DST: variants seen among roughly 807,000 people sequenced by gnomAD.
DST encodes the protein dystonin.
DST carries 253 observed loss-of-function variants against 875.2 expected under a neutral mutation model. That is an observed-to-expected ratio of 0.29 (90% confidence interval 0.26 to 0.32). The LOEUF (loss-of-function observed/expected upper bound fraction) is 0.32. Among genes scored for constraint, DST ranks in the 10% least tolerant of loss-of-function variants. DST has a pLI of 1.00. For synonymous variants in DST, 3,124 were observed against 3,197.1 expected (o/e 0.98, Z 0.77); for missense variants, 8,287 against 9,111.6 (o/e 0.91, Z 3.68).
At chr6:56,951,295 G>A (rs1822170645) in intron 2 of DST, among the ~76,000 whole-genome samples, 1 of 152,202 alleles carries the variant, frequency 6.6e-6, no homozygotes, top group Non-Finnish European at 1.5e-5. Flanking sequence ...AATGCTGAAA[G>A]TGAGTTAATC....
intron 4 of DST, among the ~76,000 whole-genome samples, chr6:56,771,519 AATC>A (rs2099664231): frequency 6.6e-6 from 1 of 152,202 alleles, no homozygotes; most frequent in Non-Finnish European, 1.5e-5. Flanking sequence ...TAAATGTATA[AATC>A]ATCATCAAAT....
chr6:56,501,045 G>T (rs781069485), intron 80 of DST, 35 bp downstream of exon 80: 10 of 1,599,062 alleles, frequency 6.3e-6, no homozygotes, highest in Non-Finnish European at 6.0e-6. Flanking sequence ...GAAATGGACA[G>T]AGAAGAAACA....
intron 36 of DST, among the ~76,000 whole-genome samples, chr6:56,623,284 CTTAAG>C (rs1235883659): frequency 3.9e-5 from 6 of 152,044 alleles, no homozygotes; most frequent in East Asian, 3.9e-4. Flanking sequence ...GAGAAAAGAA[CTTAAG>C]TTATTTTATT....
intron 5 of DST, among the ~76,000 whole-genome samples, chr6:56,710,542 T>C (rs1338664899): frequency 1.3e-5 from 2 of 152,188 alleles, no homozygotes; most frequent in African/African-American, 4.8e-5. Context: ...TCATAAAAAA[T>C]TAGCTGTCAG....
chr6:56,901,922 T>C (rs1176903262), intron 2 of DST, among the ~76,000 whole-genome samples: 1 of 151,970 alleles, frequency 6.6e-6, no homozygotes, highest in African/African-American at 2.4e-5. Flanking sequence ...TAACATAGAG[T>C]TCATAAACAC....
At chr6:56,866,901 C>T (rs773784494) in intron 3 of DST, among the ~76,000 whole-genome samples, 12 of 152,186 alleles carry the variant, frequency 7.9e-5, no homozygotes, top group Non-Finnish European at 1.2e-4. Flanking sequence ...ATGTACTCAA[C>T]GAGTTCCAAT....
At chr6:56,926,850 T>C (rs901765948) in intron 2 of DST, among the ~76,000 whole-genome samples, 5 of 152,210 alleles carry the variant, frequency 3.3e-5, no homozygotes, top group Middle Eastern at 3.4e-3. Flanking sequence ...CTTGAAGAAC[T>C]TAGAAGGAAG....
In DST at chr6:56,900,500, C is replaced by G; in HGVS notation, c.338G>C (p.Arg113Thr). 1 of 1,367,684 alleles carries G rather than the reference C, an allele frequency of 7.3e-7. No individual in the cohort carries two copies. Among genetic ancestry groups the G allele is most frequent in the Non-Finnish European group, 9.8e-7 (1 of 1,021,854 alleles). The allele number at this position is 1,367,684 out of a possible 1,614,324, so 84.7% of individuals were successfully genotyped here. Residue 113 changes from arginine to threonine, a missense_variant, in exon 3 of 104, where the codon AGG (arginine) becomes ACG (threonine). Arg to Thr is a moderately conservative substitution (Grantham distance 71). This residue lies in a region of DST where 1,160 missense variants were observed against 1,424.3 expected (regional missense o/e 0.81). Transcript: ENST00000680361. ...GCTGCTCTTCTTGATTCTTCGTTTC[C>G]TCACTGAAGTTTCTTGCTCACTCTG... is the stretch of plus-strand genomic sequence containing the variant. Reference protein sequence around the residue: ...HHQSEQETSVRKRRIKKSSRV... With the variant: ...HHQSEQETSVTKRRIKKSSRV...
chr6:56,503,594 T>TACACATACACACACACAC (rs2096210668), intron 78 of DST, among the ~76,000 whole-genome samples: 1 of 140,806 alleles, frequency 7.1e-6, no homozygotes, highest in East Asian at 2.1e-4. Context: ...TACCTATACA[T>TACACATACACACACACAC]ACACACACAC....
chr6:56,492,942 C>T lies in DST; in HGVS notation c.20542G>A (p.Glu6848Lys), dbSNP rs201305293. ...TTTGACTCACTACATACCTTGTGTT[C>T]GTCAATTTGAAATAAGACTGTGTCC... The part of the protein sequence containing the change: ...ILDTVLFQID[E>K]HKVFANEVNS... The change falls in exon 84 of 104, where the codon GAA (glutamate) becomes AAA (lysine). Residue 6848 changes from glutamate to lysine, a missense_variant. Glu to Lys is a moderately conservative substitution (Grantham distance 56). Around this residue, in one of 10 missense-constraint regions of DST, gnomAD observed 1,292 missense variants for 1,552.7 expected, o/e 0.83. Transcript: ENST00000680361. 3.5e-4 allele frequency: 568 copies of T among 1,601,970 alleles called. No individual in the cohort carries two copies. The highest frequency in any genetic ancestry group is 4.4e-4 in the Non-Finnish European group (522 of 1,174,112).
rs1004334739 is a variant in DST, at chr6:56,954,693, A to C, written c.-106T>G. On this transcript the variant is annotated 5_prime_UTR_variant, in exon 1 of 104. It removes the in-frame stop codon of an upstream open reading frame in the 5' UTR. Coordinates refer to ENST00000680361, the MANE Select transcript of DST (RefSeq NM_001374736.1). ...CGGCGGGCACGGGTGAGCGCGGCTC[A>C]GCGCGTCATGCCTGGCGCTCGCGGC... The C allele has an allele frequency of 1.4e-6, 1 of 706,774 alleles. No homozygotes were observed. Among genetic ancestry groups the C allele is most frequent in the Non-Finnish European group, 1.8e-6 (1 of 562,564 alleles). The allele number at this position is 706,774 out of a possible 1,614,324, so 43.8% of individuals were successfully genotyped here.
At position 56,644,304 on chromosome 6, in the gene DST, C is replaced by A. The variant is rs911819271; in HGVS notation, c.1778+1562G>T. ...TTGGTTTTAATAATCCAGTTATGTA[C>A]ACATATTATTATACTTTAACATAAA... On this transcript the variant is annotated intron_variant, in intron 15 of 103. Coordinates refer to ENST00000680361, the MANE Select transcript of DST (RefSeq NM_001374736.1). Among the ~76,000 whole-genome samples, 3 of 152,238 alleles carry A rather than the reference C, an allele frequency of 2.0e-5. No individual in the cohort carries two copies. The South Asian group carries it at 6.2e-4, about 32-fold the overall frequency.
At chr6:56,689,745 G>C (rs1354342664) in intron 9 of DST, among the ~76,000 whole-genome samples, 1 of 152,076 alleles carries the variant, frequency 6.6e-6, no homozygotes, top group Non-Finnish European at 1.5e-5. Flanking sequence ...TATCTGTTTT[G>C]AAATATCTTC....
Position 56,485,412 on chromosome 6 carries a change from G to A in DST, c.21107C>T (p.Ala7036Val). The A allele has an allele frequency of 6.2e-7, 1 of 1,613,942 alleles. No individual in the cohort carries two copies. The highest frequency in any genetic ancestry group is 8.5e-7 in the Non-Finnish European group (1 of 1,179,850). ...AACTCTATATAACCAATCAATGAGA[G>A]CCTGTAGGGCATCTGTGAATTGTCC... ...FSGQFTDALQ[A>V]LIDWLYRVEP... The change falls in exon 88 of 104, where the codon GCT (alanine) becomes GTT (valine). Residue 7036 changes from alanine to valine, a missense_variant. This residue lies in a region of DST where 1,292 missense variants were observed against 1,552.7 expected (regional missense o/e 0.83). Transcript: ENST00000680361.
chr6:56,668,699 C>G (rs1183366700), intron 10 of DST, among the ~76,000 whole-genome samples: 1 of 151,890 alleles, frequency 6.6e-6, no homozygotes, highest in Non-Finnish European at 1.5e-5. Flanking sequence ...ACCTGGGAGG[C>G]AGAGGTTGCA....
chr6:56,530,517 T>C (rs1212882700), intron 64 of DST, among the ~76,000 whole-genome samples: 1 of 152,202 alleles, frequency 6.6e-6, no homozygotes, highest in East Asian at 1.9e-4. Flanking sequence ...TATATATTAA[T>C]TTCAATTGGA....
chr6:56,868,128 CA>C (rs1258235148), intron 3 of DST, among the ~76,000 whole-genome samples: 1 of 152,102 alleles, frequency 6.6e-6, no homozygotes, highest in Non-Finnish European at 1.5e-5. Flanking sequence ...TTTTACAAAA[CA>C]TGCAAGTAGA....
rs929251718 is a variant in DST, at chr6:56,954,663, C to G, written c.-76G>C. 2 of 1,037,640 alleles carry G rather than the reference C, an allele frequency of 1.9e-6. No homozygotes were observed. Among genetic ancestry groups the G allele is most frequent in the Non-Finnish European group, 2.4e-6 (2 of 832,392 alleles). The allele number at this position is 1,037,640 out of a possible 1,614,324, so 64.3% of individuals were successfully genotyped here. On this transcript the variant is annotated 5_prime_UTR_variant, in exon 1 of 104. Coordinates refer to ENST00000680361, the MANE Select transcript of DST (RefSeq NM_001374736.1). The stretch of plus-strand genomic sequence containing the variant: ...ACAGGCACCCGCGCTGGGCGCACGC[C>G]GGGACGGCGGGCACGGGTGAGCGCG...
intron 36 of DST, among the ~76,000 whole-genome samples, chr6:56,623,048 G>A (rs2098704662): frequency 6.6e-6 from 1 of 152,092 alleles, no homozygotes. Context: ...ATGTTAAGTG[G>A]TAGTTTTTTT....
Sources: gnomAD v4.1 joint callset for allele counts (sites outside exome capture counted in the v4.1 genomes callset) on GRCh38, gnomAD v4.1.1 for gene constraint, gnomAD v4.1.1 regional missense constraint, MANE v1.5 for transcripts, NCBI Gene and HGNC (gene_info 2026-07-23, HGNC 2026-07-21) for gene names.